SNX24: variants seen among roughly 807,000 people sequenced by gnomAD.
The protein encoded by SNX24 is sorting nexin 24, also known as sorting nexin-24.
Under a neutral mutation model 28.7 loss-of-function variants are expected in SNX24, and 22 were observed. The ratio of observed to expected loss-of-function variants is 0.77; its 90% CI spans 0.55 to 1.10. The LOEUF (loss-of-function observed/expected upper bound fraction) is 1.10. Among genes scored for constraint, SNX24 ranks in the 50% least tolerant of loss-of-function variants. The pLI is 0.00. For synonymous variants in SNX24, 69 were observed against 71.5 expected, an observed-to-expected ratio of 0.96 and a Z score of 0.18; for missense variants, 221 against 201.1, an observed-to-expected ratio of 1.10 and a Z score of -0.60.
In SNX24 at chr5:122,943,146, C is replaced by T. The variant is rs374705802; in HGVS notation, c.145-2909C>T. Among the ~76,000 whole-genome samples the T allele has an allele frequency of 6.6e-5, 10 of 152,142 alleles. No homozygotes were observed. The East Asian group carries it at 7.7e-4, about 12-fold the overall frequency. The stretch of plus-strand genomic sequence containing the variant: ...TATAGAGATTAAATATGTATTTATT[C>T]CCCTGCAAGCAATTCTAAATTCCCC... On this transcript the variant is annotated intron_variant, in intron 2 of 6. Transcript: ENST00000261369.
intron 4 of SNX24, 139 bp downstream of exon 4, chr5:123,000,145 GC>G (rs1340899869): frequency 1.1e-4 from 72 of 642,618 alleles, no homozygotes; most frequent in Middle Eastern, 2.5e-4. Context: ...GCACTCGCTC[GC>G]CCCCTGCTTT....
chr5:122,919,298 C>A (rs529775512), intron 1 of SNX24, among the ~76,000 whole-genome samples: 1 of 152,246 alleles, frequency 6.6e-6, no homozygotes, highest in East Asian at 1.9e-4. Flanking sequence ...GCATGTAAAT[C>A]GGCATATTGG....
intron 1 of SNX24, among the ~76,000 whole-genome samples, chr5:122,884,911 C>G (rs1756640941): frequency 1.3e-5 from 2 of 152,162 alleles, no homozygotes; most frequent in Non-Finnish European, 2.9e-5. Context: ...AAACAAAATG[C>G]ATTTGTACGA....
chr5:122,897,005 G>T (rs1413332660), intron 1 of SNX24, among the ~76,000 whole-genome samples: 1 of 152,170 alleles, frequency 6.6e-6, no homozygotes, highest in Non-Finnish European at 1.5e-5. Context: ...CAGTAACTTA[G>T]AATTGAAAAG....
intron 1 of SNX24, among the ~76,000 whole-genome samples, chr5:122,858,596 C>T (rs1369902783): frequency 1.3e-5 from 2 of 152,164 alleles, no homozygotes; most frequent in Non-Finnish European, 1.5e-5. Context: ...TCGTCAAATT[C>T]CCATCCATAG....
intron 1 of SNX24, among the ~76,000 whole-genome samples, chr5:122,910,929 A>C (rs905213989): frequency 4.3e-4 from 65 of 152,180 alleles, no homozygotes; most frequent in African/African-American, 1.5e-3. Flanking sequence ...CAATAAACAT[A>C]CGTGTGCATG....
intron 1 of SNX24, among the ~76,000 whole-genome samples, chr5:122,917,578 G>T (rs1004687654): frequency 6.6e-6 from 1 of 152,118 alleles, no homozygotes; most frequent in South Asian, 2.1e-4. Flanking sequence ...CTGTGGTTTG[G>T]TTTTAAGTTT....
At chr5:122,913,432 G>A (rs1194216586) in intron 1 of SNX24, among the ~76,000 whole-genome samples, 5 of 150,616 alleles carry the variant, frequency 3.3e-5, no homozygotes, top group Admixed American at 2.0e-4. Context: ...GCGGCTGGCC[G>A]GGCGGGGGGC....
intron 5 of SNX24, among the ~76,000 whole-genome samples, chr5:123,025,491 G>A (rs777203543): frequency 1.3e-5 from 2 of 152,270 alleles, no homozygotes; most frequent in East Asian, 3.9e-4. Context: ...TCCATTGTGT[G>A]TATATATGGG....
chr5:122,923,517 A>G (rs1365360714), intron 1 of SNX24, among the ~76,000 whole-genome samples: 1 of 152,218 alleles, frequency 6.6e-6, no homozygotes, highest in Non-Finnish European at 1.5e-5. Context: ...ATTCTTAAAC[A>G]GGAACAAGGC....
chr5:122,854,572 T>C (rs1295403040), intron 1 of SNX24, among the ~76,000 whole-genome samples: 5 of 151,192 alleles, frequency 3.3e-5, no homozygotes, highest in African/African-American at 7.3e-5. Context: ...AAAAATCTTA[T>C]GGCTTATCCT....
chr5:122,888,384 C>G (rs948721024), intron 1 of SNX24, among the ~76,000 whole-genome samples: 4 of 152,082 alleles, frequency 2.6e-5, no homozygotes, highest in African/African-American at 9.7e-5. Flanking sequence ...AGTCTTGGCG[C>G]TATTGGTTAC....
At chr5:122,960,443 T>C (rs1760439559) in intron 3 of SNX24, among the ~76,000 whole-genome samples, 1 of 152,354 alleles carries the variant, frequency 6.6e-6, no homozygotes, top group East Asian at 1.9e-4. Flanking sequence ...ACTCATGGAC[T>C]TGTTTTTTGT....
chr5:122,883,360 A>G (rs1756562805), intron 1 of SNX24, among the ~76,000 whole-genome samples: 1 of 152,220 alleles, frequency 6.6e-6, no homozygotes, highest in Non-Finnish European at 1.5e-5. Context: ...TGTTTATACA[A>G]TTATTAATAG....
chr5:123,028,564 C>A, intron 5 of SNX24: 1 of 447,700 alleles, frequency 2.2e-6, no homozygotes, highest in Non-Finnish European at 4.0e-6. Context: ...CAATAAACAC[C>A]AAAACAATCC....
At chr5:123,018,787 A>C (rs749568522) in intron 5 of SNX24, among the ~76,000 whole-genome samples, 2 of 152,010 alleles carry the variant, frequency 1.3e-5, no homozygotes, top group Non-Finnish European at 1.5e-5. Flanking sequence ...CCCGGGTTCA[A>C]GCAATTCTCC....
At chr5:122,979,876 G>T (rs139258938) in intron 3 of SNX24, among the ~76,000 whole-genome samples, 1 of 152,224 alleles carries the variant, frequency 6.6e-6, no homozygotes, top group East Asian at 1.9e-4. Flanking sequence ...CGGTCCACCC[G>T]AATCTTTTGT....
chr5:123,000,086 T>C (rs1366224053), intron 4 of SNX24, 80 bp downstream of exon 4: 4 of 985,480 alleles, frequency 4.1e-6, no homozygotes, highest in South Asian at 4.0e-5. Flanking sequence ...TAGCCCAGAG[T>C]GATGCCCGAG....
intron 3 of SNX24, among the ~76,000 whole-genome samples, chr5:122,962,445 T>C (rs1760522985): frequency 6.6e-6 from 1 of 152,270 alleles, no homozygotes; most frequent in African/African-American, 2.4e-5. Flanking sequence ...TAATTTTTAG[T>C]GCAGAGCAGT....
Sources: allele counts gnomAD v4.1 joint callset (sites outside exome capture counted in the v4.1 genomes callset), GRCh38; gene constraint gnomAD v4.1.1; transcripts MANE v1.5; gene names NCBI Gene and HGNC (gene_info 2026-07-23, HGNC 2026-07-21).